HEBP1: variants seen among roughly 807,000 people sequenced by gnomAD.
HEBP1 encodes heme binding protein 1.
Under a neutral mutation model 20.4 loss-of-function variants are expected in HEBP1, and 13 were observed. The observed-to-expected ratio is 0.64, with a 90% CI of 0.42 to 1.01. HEBP1 has a LOEUF of 1.01. HEBP1 is among the 50% of genes least tolerant of loss of function. The pLI is 0.00. For missense variants in HEBP1, 241 were observed against 247.3 expected (o/e 0.97, Z 0.17); for synonymous variants, 92 against 90.7 (o/e 1.01, Z -0.08).
chr12:12,990,276 C>G (rs543933734), intron 1 of HEBP1, among the ~76,000 whole-genome samples: 1 of 152,094 alleles, frequency 6.6e-6, no homozygotes, highest in East Asian at 1.9e-4. Flanking sequence ...TCAAGCGATC[C>G]TCCTACTTAG....
intron 1 of HEBP1, among the ~76,000 whole-genome samples, chr12:12,993,969 C>T (rs577916920): frequency 6.6e-6 from 1 of 152,144 alleles, no homozygotes; most frequent in African/African-American, 2.4e-5. Flanking sequence ...GAGGTGGTCA[C>T]AGATCACCCA....
intron 3 of HEBP1, among the ~76,000 whole-genome samples, chr12:12,976,804 C>T (rs1432599997): frequency 1.3e-5 from 2 of 152,200 alleles, no homozygotes; most frequent in African/African-American, 4.8e-5. Flanking sequence ...TGGGCTCTAG[C>T]TTCATTGAGG....
At chr12:12,989,202 C>A (rs1304590032) in intron 2 of HEBP1, 75 bp downstream of exon 2, 6 of 1,522,098 alleles carry the variant, frequency 3.9e-6, no homozygotes, top group African/African-American at 1.4e-5. Flanking sequence ...CCCTCACTTG[C>A]ATTTACCACT....
At chr12:12,989,441 T>C (rs1277200499) in intron 1 of HEBP1, 26 bp from the exon 2 acceptor site, 2 of 1,612,908 alleles carry the variant, frequency 1.2e-6, no homozygotes, top group East Asian at 4.5e-5. Flanking sequence ...GTACAGTGTT[T>C]AAGAGGTACA....
chr12:12,993,286 C>T (rs1392429303), intron 1 of HEBP1, among the ~76,000 whole-genome samples: 2 of 151,626 alleles, frequency 1.3e-5, no homozygotes, highest in Non-Finnish European at 2.9e-5. Flanking sequence ...GTGATCCTCC[C>T]ACCTCATCCT....
At position 12,975,269 on chromosome 12, in the gene HEBP1, G is replaced by T; in HGVS notation, c.*39C>A. On this transcript the variant is annotated 3_prime_UTR_variant, in exon 4 of 4. Transcript: ENST00000014930. Reference sequence around the variant, plus strand: ...CCTTACCCCCGAGGAAGGAGACACAGAGGCACACTTCCAGTAAGTTCTTGG... The same window carrying T: ...CCTTACCCCCGAGGAAGGAGACACATAGGCACACTTCCAGTAAGTTCTTGG... 1 of 1,597,972 alleles carries T rather than the reference G, an allele frequency of 6.3e-7. No individual in the cohort carries two copies. Among genetic ancestry groups the T allele is most frequent in the Non-Finnish European group, 8.6e-7 (1 of 1,167,890 alleles).
intron 1 of HEBP1, among the ~76,000 whole-genome samples, chr12:12,993,673 A>C (rs1388881049): frequency 1.3e-5 from 2 of 152,174 alleles, no homozygotes; most frequent in African/African-American, 4.8e-5. Flanking sequence ...AAATGGGAAG[A>C]CCAAAAACAA....
At position 13,000,192 on chromosome 12, in the gene HEBP1, CGGCGGCAG is replaced by C. The variant is rs878915334; in HGVS notation, c.-86_-79del. 2,022 of 585,312 alleles carry C rather than the reference CGGCGGCAG, an allele frequency of 3.5e-3. 23 individuals are homozygous for C. The highest frequency in any genetic ancestry group is 0.03 in the African/African-American group (1,552 of 51,162). The allele number at this position is 585,312 out of a possible 1,614,324, so 36.3% of individuals were successfully genotyped here. ...ACGGAGCACCACGGGCAGCGACCAC[CGGCGGCAG>C]GGCGGCAGGGCGGCAGGGCGGCAGG... On this transcript the variant is annotated 5_prime_UTR_variant, in exon 1 of 4. Coordinates refer to ENST00000014930, the MANE Select transcript of HEBP1 (RefSeq NM_015987.5).
chr12:12,978,213 T>TTG (rs1227710155), intron 3 of HEBP1, among the ~76,000 whole-genome samples: 2 of 139,796 alleles, frequency 1.4e-5, no homozygotes, highest in African/African-American at 5.4e-5. Flanking sequence ...TTTTTTTTTT[T>TTG]TTTTTTTTTT....
intron 3 of HEBP1, among the ~76,000 whole-genome samples, chr12:12,982,048 C>G (rs850929): frequency 0.39 from 59,594 of 151,992 alleles, 13,418 homozygotes; most frequent in Non-Finnish European, 0.52. Flanking sequence ...GTCTCGAACT[C>G]CTAAGCTCAG....
At position 12,975,090 on chromosome 12, in the gene HEBP1, G is replaced by T; in HGVS notation, c.*218C>A. 1 of 425,020 alleles carries T rather than the reference G, an allele frequency of 2.4e-6. No homozygotes were observed. Among genetic ancestry groups the T allele is most frequent in the South Asian group, 3.9e-5 (1 of 25,322 alleles). The allele number at this position is 425,020 out of a possible 1,614,324, so 26.3% of individuals were successfully genotyped here. A position where few individuals can be genotyped will look rare whatever the true frequency, so the allele number is the denominator to read the frequency against. The stretch of plus-strand genomic sequence containing the variant: ...GCAGAATTTTCTACATCAATGAGAA[G>T]GATGCTGCATATCTTGGCTGTATTA... On this transcript the variant is annotated 3_prime_UTR_variant, in exon 4 of 4. Transcript: ENST00000014930.
rs1864154048 is a variant in HEBP1 at position 12,986,465 on chromosome 12, C to T, written c.398+687G>A. ...CTTCTGGTGAAGATCCTGGTCTTTCCCTGAGCCTGGTTTGGTGCCTGTCAC... is the reference window on the plus strand; with the variant it reads ...CTTCTGGTGAAGATCCTGGTCTTTCTCTGAGCCTGGTTTGGTGCCTGTCAC... On this transcript the variant is annotated intron_variant, in intron 3 of 3. Transcript: ENST00000014930. This position sits in a 1 kb window ranked among gnomAD's most constrained non-coding sequence, Gnocchi z 4.3. 2 of 152,202 alleles carry T rather than the reference C, an allele frequency of 1.3e-5. No individual in the cohort carries two copies. The highest frequency in any genetic ancestry group is 1.3e-4 in the Admixed American group (2 of 15,288). The allele number at this position is 152,202 out of a possible 1,614,324, so 9.4% of individuals were successfully genotyped here.
At chr12:12,982,065 C>T (rs1345054081) in intron 3 of HEBP1, among the ~76,000 whole-genome samples, 2 of 152,134 alleles carry the variant, frequency 1.3e-5, no homozygotes, top group East Asian at 3.9e-4. Flanking sequence ...TCAGGTGATC[C>T]ACCTGCCTTG....
Position 12,989,355 on chromosome 12 carries a change from T to A in HEBP1, c.139A>T (p.Thr47Ser), listed in dbSNP as rs1397035694. ...EGGKFATVEV[T>S]DKPVDEALRE... is the part of the protein sequence containing the mutation. Reference sequence around the variant, plus strand: ...AGAGCCTCATCCACAGGCTTATCTGTCACTTCTACTGTGGCAAATTTGCCG... The same window carrying A: ...AGAGCCTCATCCACAGGCTTATCTGACACTTCTACTGTGGCAAATTTGCCG... Residue 47 changes from threonine to serine, a missense_variant, in exon 2 of 4, where the codon ACA becomes TCA. By Grantham distance (58) the Thr-to-Ser change is moderately conservative. Coordinates refer to ENST00000014930, the MANE Select transcript of HEBP1 (RefSeq NM_015987.5). The A allele has an allele frequency of 6.2e-7, 1 of 1,614,096 alleles. No homozygotes were observed. The highest frequency in any genetic ancestry group is 8.5e-7 in the Non-Finnish European group (1 of 1,180,014).
chr12:12,989,311 C>A lies in HEBP1; in HGVS notation c.183G>T (p.Lys61Asn). The change falls in exon 2 of 4, where the codon AAG (lysine) becomes AAT (asparagine). Residue 61 changes from lysine to asparagine, a missense_variant. Lys to Asn is a moderately conservative substitution (Grantham distance 94). Transcript: ENST00000014930. ...VDEALREAMP[K>N]VAKYAGGTND... ...TGGTGCCCCCCGCATACTTTGCGAC[C>A]TTGGGCATTGCTTCCCGTAGAGCCT... is the stretch of plus-strand genomic sequence containing the variant. 1 of 1,614,222 alleles carries A rather than the reference C, an allele frequency of 6.2e-7. No homozygotes were observed. Among genetic ancestry groups the A allele is most frequent in the East Asian group, 2.2e-5 (1 of 44,886 alleles).
intron 1 of HEBP1, among the ~76,000 whole-genome samples, chr12:12,989,889 T>G (rs935288620): frequency 1.3e-5 from 2 of 152,156 alleles, no homozygotes; most frequent in Non-Finnish European, 2.9e-5. Flanking sequence ...GTAGGAGGAC[T>G]GCAATTCAAG....
chr12:13,000,074 T>C lies in HEBP1; in HGVS notation c.41A>G (p.Glu14Gly). Reference sequence around the variant, plus strand: ...GCTTAGGACCTGCCAAGGCCACGTCTCTACGCTTCCGAACAGCGAGTTCTT... The same window carrying C: ...GCTTAGGACCTGCCAAGGCCACGTCCCTACGCTTCCGAACAGCGAGTTCTT... ...MIKNSLFGSVETWPWQVLSKG... is the reference protein window; with the variant it reads ...MIKNSLFGSVGTWPWQVLSKG... Residue 14 changes from glutamate (E) to glycine (G), a missense_variant, in exon 1 of 4, where the codon GAG becomes GGG. Transcript: ENST00000014930. 1 of 1,612,824 alleles carries C rather than the reference T, an allele frequency of 6.2e-7. No homozygotes were observed. Among genetic ancestry groups the C allele is most frequent in the Non-Finnish European group, 8.5e-7 (1 of 1,179,326 alleles).
In HEBP1 at chr12:12,987,296, G is replaced by A; in HGVS notation, c.254C>T (p.Ala85Val). 1 of 1,614,066 alleles carries A rather than the reference G, an allele frequency of 6.2e-7. No homozygotes were observed. The highest frequency in any genetic ancestry group is 8.5e-7 in the Non-Finnish European group (1 of 1,179,974). Reference sequence around the variant, plus strand: ...AGAGCCATCTTCATTGGGGAACACAGCAAAGGAAATAGGGACTGTCATCCC... The same window carrying A: ...AGAGCCATCTTCATTGGGGAACACAACAAAGGAAATAGGGACTGTCATCCC... ...GMGMTVPISF[A>V]VFPNEDGSLQ... The change falls in exon 3 of 4, where the codon GCT (alanine) becomes GTT (valine). Residue 85 changes from alanine to valine, a missense_variant. By Grantham distance (64) the Ala-to-Val change is moderately conservative. Coordinates refer to ENST00000014930, the MANE Select transcript of HEBP1 (RefSeq NM_015987.5).
intron 3 of HEBP1, among the ~76,000 whole-genome samples, chr12:12,981,280 A>G (rs1215727558): frequency 6.6e-6 from 1 of 152,192 alleles, no homozygotes; most frequent in African/African-American, 2.4e-5. Context: ...TGTTTTGGAC[A>G]TGCTGATTTG....
Sources: gnomAD v4.1 joint callset for allele counts (sites outside exome capture counted in the v4.1 genomes callset) on GRCh38, gnomAD v4.1.1 for gene constraint, Gnocchi (gnomAD v3.1) non-coding constraint, MANE v1.5 for transcripts, NCBI Gene and HGNC (gene_info 2026-07-23, HGNC 2026-07-21) for gene names.